SSX2IP: variants seen among roughly 807,000 people sequenced by gnomAD.
The protein encoded by SSX2IP is afadin- and alpha-actinin-binding protein.
A neutral mutation model predicts 84.9 loss-of-function variants in SSX2IP; 55 were observed. That is an observed-to-expected ratio of 0.65 (90% CI 0.52 to 0.81). SSX2IP has a LOEUF of 0.81. Ranked by LOEUF, SSX2IP falls within the 30% of genes least tolerant of loss-of-function variation. SSX2IP has a pLI of 0.00. For missense variants in SSX2IP, 664 were observed against 705.2 expected (o/e 0.94, Z 0.66); for synonymous variants, 239 against 234.7 (o/e 1.02, Z -0.17).
In SSX2IP at chr1:84,644,811, A is replaced by G. The variant is rs1475776132; in HGVS notation, c.*2622T>C. ...TAAGGTAGGCAGTATAGAACTCTTT[A>G]CAAATAACAGTATTTCAATTATGCC... On this transcript the variant is annotated 3_prime_UTR_variant, in exon 14 of 14. Transcript: ENST00000342203. 6.6e-6 allele frequency: 1 copy of G among 152,236 alleles called. No individual in the cohort carries two copies. Among genetic ancestry groups the G allele is most frequent in the Non-Finnish European group, 1.5e-5 (1 of 68,032 alleles). 9.4% of individuals were successfully genotyped at this position (152,236 alleles called of 1,614,324 possible).
chr1:84,682,442 T>G (rs1023415326), intron 1 of SSX2IP, among the ~76,000 whole-genome samples: 1 of 152,186 alleles, frequency 6.6e-6, no homozygotes, highest in African/African-American at 2.4e-5. Flanking sequence ...ATTTTTACAT[T>G]TCTCATAGGA....
intron 9 of SSX2IP, 82 bp from the exon 10 acceptor site, chr1:84,656,566 G>C: frequency 1.6e-6 from 2 of 1,248,014 alleles, no homozygotes; most frequent in Non-Finnish European, 2.1e-6. Context: ...TTAAAACAAG[G>C]GCTCTCAGAA....
In SSX2IP at chr1:84,683,513, G is replaced by T. The variant is rs146646518; in HGVS notation, c.-90+6858C>A. 4.6e-3 allele frequency among the ~76,000 whole-genome samples: 701 copies of T among 152,228 alleles called. 5 individuals carry two copies. Among genetic ancestry groups the T allele is most frequent in the South Asian group, 0.016 (79 of 4,826 alleles). ...TCTGTGCTTCTAGAACACTTAACATGAACTGTATTACAGCACAGATCTAAC... is the reference window on the plus strand; with the variant it reads ...TCTGTGCTTCTAGAACACTTAACATTAACTGTATTACAGCACAGATCTAAC... On this transcript the variant is annotated intron_variant, in intron 1 of 13. Coordinates refer to ENST00000342203, the MANE Select transcript of SSX2IP (RefSeq NM_001166293.2).
chr1:84,679,899 G>A (rs1654849583), intron 1 of SSX2IP, among the ~76,000 whole-genome samples: 1 of 152,182 alleles, frequency 6.6e-6, no homozygotes, highest in Admixed American at 6.5e-5. Context: ...GCAAGTGGCA[G>A]AGGCAGGATT....
chr1:84,673,655 A>G (rs1389365201), intron 1 of SSX2IP, among the ~76,000 whole-genome samples: 1 of 152,208 alleles, frequency 6.6e-6, no homozygotes, highest in Non-Finnish European at 1.5e-5. Context: ...CCAGTGTTAA[A>G]CTACAGTTCT....
At chr1:84,661,396 G>T (rs1651955374) in intron 8 of SSX2IP, among the ~76,000 whole-genome samples, 1 of 150,484 alleles carries the variant, frequency 6.6e-6, no homozygotes, top group Non-Finnish European at 1.5e-5. Flanking sequence ...CCCATTCTCT[G>T]GAATGCTTTC....
chr1:84,656,436 C>T lies in SSX2IP; in HGVS notation c.1127G>A (p.Arg376Gln), dbSNP rs753308166. ...EGFNDEDVISRQDHEQETEKL... is the reference protein window; with the variant it reads ...EGFNDEDVISQQDHEQETEKL... Reference sequence around the variant, plus strand: ...TTCAGTTTCTTGTTCATGGTCTTGTCGTGAGATTACATCTTCATCATTAAA... The same window carrying T: ...TTCAGTTTCTTGTTCATGGTCTTGTTGTGAGATTACATCTTCATCATTAAA... The change falls in exon 10 of 14, where the codon CGA becomes CAA. Residue 376 changes from arginine (R) to glutamine (Q), a missense_variant. Physicochemically the swap from Arg to Gln is conservative, Grantham distance 43. Transcript: ENST00000342203. 8.1e-6 allele frequency: 13 copies of T among 1,613,236 alleles called. No homozygotes were observed. The highest frequency in any genetic ancestry group is 1.7e-5 in the Admixed American group (1 of 59,978).
At chr1:84,653,504 C>A (rs934218938) in intron 11 of SSX2IP, among the ~76,000 whole-genome samples, 9 of 152,184 alleles carry the variant, frequency 5.9e-5, no homozygotes, top group African/African-American at 1.9e-4. Context: ...GAGAAAAATT[C>A]TCTTGCAGGG....
chr1:84,656,519 T>A (rs771766564), intron 9 of SSX2IP, 35 bp from the exon 10 acceptor site: 81 of 1,589,510 alleles, frequency 5.1e-5, no homozygotes, highest in Non-Finnish European at 6.5e-5. Context: ...ATAGGTCTTA[T>A]AGCCACCACT....
In SSX2IP at chr1:84,654,585, C is replaced by A. The variant is rs143757513; in HGVS notation, c.1389+1247G>T. Among the ~76,000 whole-genome samples the A allele has an allele frequency of 1.5e-3, 227 of 151,896 alleles. 1 individual carries two copies. The highest frequency in any genetic ancestry group is 7.9e-3 in the East Asian group (41 of 5,172). ...GAAAGACAGTAACATGAGATATGAG[C>A]AACATGGCAGCTGAAATCTGATTCA... On this transcript the variant is annotated intron_variant, in intron 11 of 13. Transcript: ENST00000342203.
intron 12 of SSX2IP, among the ~76,000 whole-genome samples, 183 bp from the exon 13 acceptor site, chr1:84,650,710 CT>C (rs11349588): frequency 0.89 from 130,527 of 147,352 alleles, 58,035 homozygotes; most frequent in Non-Finnish European, 0.93. Context: ...TTAAAAGGAT[CT>C]TTTTTTTTTT....
intron 1 of SSX2IP, among the ~76,000 whole-genome samples, chr1:84,689,278 C>T (rs560757816): frequency 3.9e-5 from 6 of 152,274 alleles, no homozygotes; most frequent in African/African-American, 1.4e-4. Context: ...TCATACCAAC[C>T]TTTCTAGTTC....
chr1:84,675,876 C>T (rs375120488), intron 1 of SSX2IP, among the ~76,000 whole-genome samples: 1 of 152,154 alleles, frequency 6.6e-6, no homozygotes, highest in Non-Finnish European at 1.5e-5. Context: ...CCCCTGCCCC[C>T]CTTTCCCTTC....
rs1002611071 is a variant in SSX2IP at position 84,646,384 on chromosome 1, A to G, written c.*1049T>C. 1 of 152,638 alleles carries G rather than the reference A, an allele frequency of 6.6e-6. No individual in the cohort carries two copies. Among genetic ancestry groups the G allele is most frequent in the African/African-American group, 2.4e-5 (1 of 41,458 alleles). The allele number at this position is 152,638 out of a possible 1,614,324, so 9.5% of individuals were successfully genotyped here. On this transcript the variant is annotated 3_prime_UTR_variant, in exon 14 of 14. Coordinates refer to ENST00000342203, the MANE Select transcript of SSX2IP (RefSeq NM_001166293.2). The stretch of plus-strand genomic sequence containing the variant: ...GTTTTTCCAGAGTATCATCTCAATT[A>G]TAAAATTTGATGGTTTTATATTATC...
intron 1 of SSX2IP, among the ~76,000 whole-genome samples, chr1:84,686,940 T>C (rs986935265): frequency 6.6e-5 from 10 of 152,038 alleles, no homozygotes; most frequent in African/African-American, 1.9e-4. Flanking sequence ...TTAGTTTCTC[T>C]GAATGTAGAG....
chr1:84,656,120 G>A (rs1370890115), intron 10 of SSX2IP, 115 bp from the exon 11 acceptor site: 39 of 1,062,462 alleles, frequency 3.7e-5, no homozygotes, highest in Non-Finnish European at 5.0e-5. Context: ...AAATTATTAA[G>A]AATCAAAAAG....
rs577486777 is a variant in SSX2IP at position 84,655,770 on chromosome 1, G to A, written c.1389+62C>T. 6 of 1,549,420 alleles carry A rather than the reference G, an allele frequency of 3.9e-6. No homozygotes were observed. The East Asian group carries it at 1.3e-4, about 35-fold the overall frequency. ...GCAAGAAAAAAAGGAGACCTTAGAAGCATTCTACTGAGGCCCACCCACCCC... is the reference window on the plus strand; with the variant it reads ...GCAAGAAAAAAAGGAGACCTTAGAAACATTCTACTGAGGCCCACCCACCCC... On this transcript the variant is annotated intron_variant, in intron 11 of 13. Coordinates refer to ENST00000342203, the MANE Select transcript of SSX2IP (RefSeq NM_001166293.2).
rs1322528246 is a variant in SSX2IP, at chr1:84,644,097, T to G, written c.*3336A>C. ...ACACGCTCTTGAGGAGAGAAAATCC[T>G]ACACTGCTTTGCAGGTCAACATTTT... On this transcript the variant is annotated 3_prime_UTR_variant, in exon 14 of 14. Transcript: ENST00000342203. The G allele has an allele frequency of 6.6e-6, 1 of 152,234 alleles. No homozygotes were observed. Among genetic ancestry groups the G allele is most frequent in the African/African-American group, 2.4e-5 (1 of 41,470 alleles). 9.4% of individuals were successfully genotyped at this position (152,234 alleles called of 1,614,324 possible).
chr1:84,666,988 A>T (rs895164674), intron 4 of SSX2IP, among the ~76,000 whole-genome samples: 1 of 152,174 alleles, frequency 6.6e-6, no homozygotes. Context: ...GTAAGAACAG[A>T]TCTCAAGAAG....
Sources: gnomAD v4.1 joint callset for allele counts (sites outside exome capture counted in the v4.1 genomes callset) on GRCh38, gnomAD v4.1.1 for gene constraint, MANE v1.5 for transcripts, NCBI Gene and HGNC (gene_info 2026-07-23, HGNC 2026-07-21) for gene names.